ST18: variants seen among roughly 807,000 people sequenced by gnomAD.
ST18 encodes suppression of tumorigenicity 18 protein.
ST18 carries 50 observed loss-of-function variants against 110.0 expected under a neutral mutation model. The observed-to-expected ratio is 0.45, with a 90% CI of 0.36 to 0.58. ST18 has a LOEUF of 0.58. Ranked by LOEUF, ST18 falls within the 20% of genes least tolerant of loss-of-function variation. The pLI is 0.00. For missense variants in ST18, 1,306 were observed against 1,280.1 expected, an observed-to-expected ratio of 1.02 and a Z score of -0.31; for synonymous variants, 461 against 452.4, an observed-to-expected ratio of 1.02 and a Z score of -0.24.
At chr8:52,401,510 C>CT (rs1291329882) in intron 2 of ST18, among the ~76,000 whole-genome samples, 1 of 151,980 alleles carries the variant, frequency 6.6e-6, no homozygotes, top group African/African-American at 2.4e-5. Flanking sequence ...TTTCCTCACT[C>CT]TTTTTTCCTC....
chr8:52,136,529 C>T, intron 19 of ST18, 61 bp downstream of exon 19: 2 of 1,514,244 alleles, frequency 1.3e-6, no homozygotes, highest in Non-Finnish European at 1.8e-6. Context: ...TGAATGGGCA[C>T]TGAACGAGAG....
At chr8:52,189,200 G>A (rs1043738950) in intron 8 of ST18, among the ~76,000 whole-genome samples, 8 of 152,126 alleles carry the variant, frequency 5.3e-5, no homozygotes, top group Non-Finnish European at 1.0e-4. Context: ...GGGTGCACAG[G>A]CCAAAAGGAG....
At position 52,171,782 on chromosome 8, in the gene ST18, TG is replaced by T. The variant is rs768304561; in HGVS notation, c.1069+9del. Reference sequence around the variant, plus strand: ...TTTATTCCTAAAATAAATGCAAAAATGTGTCTTACGTTTATTGTTAAAGATT... The same window carrying T: ...TTTATTCCTAAAATAAATGCAAAAATTGTCTTACGTTTATTGTTAAAGATT... On this transcript the variant is annotated intron_variant, in intron 10 of 25. Coordinates refer to ENST00000689386, the MANE Select transcript of ST18 (RefSeq NM_001352837.2). The T allele has an allele frequency of 6.2e-7, 1 of 1,603,822 alleles. No homozygotes were observed. The highest frequency in any genetic ancestry group is 2.2e-5 in the East Asian group (1 of 44,726).
chr8:52,116,390 G>A lies in ST18; in HGVS notation c.2888C>T (p.Thr963Met), dbSNP rs146863606. Residue 963 changes from threonine (T) to methionine (M), a missense_variant, in exon 25 of 26, where the codon ACG becomes ATG. Physicochemically the swap from Thr to Met is moderately conservative, Grantham distance 81 (BLOSUM62 -1). Coordinates refer to ENST00000689386, the MANE Select transcript of ST18 (RefSeq NM_001352837.2). ...TATGAGTTTGTTCTCCTCCTCTATC[G>A]TCTTTAAGTTGCTCTCCATAGATGT... ...QITSMESNLK[T>M]IEEENKLIEQ... 1.3e-4 allele frequency: 204 copies of A among 1,613,626 alleles called. No homozygotes were observed. Among genetic ancestry groups the A allele is most frequent in the East Asian group, 1.6e-4 (7 of 44,866 alleles).
chr8:52,295,895 C>T (rs778771829), intron 2 of ST18, among the ~76,000 whole-genome samples: 3 of 151,986 alleles, frequency 2.0e-5, no homozygotes, highest in Non-Finnish European at 4.4e-5. Context: ...TGCGTCCCAT[C>T]TGACTTCCGC....
At chr8:52,408,047 T>A (rs1193612462) in intron 2 of ST18, 1 of 152,220 alleles carries the variant, frequency 6.6e-6, no homozygotes, top group Non-Finnish European at 1.5e-5. Context: ...TTTTCCCAGA[T>A]AACTTGCAAA....
At chr8:52,292,245 T>C (rs2095567332) in intron 2 of ST18, among the ~76,000 whole-genome samples, 1 of 152,270 alleles carries the variant, frequency 6.6e-6, no homozygotes, top group Non-Finnish European at 1.5e-5. Flanking sequence ...TTAAATGCTT[T>C]AATAATGCAG....
chr8:52,233,828 G>A (rs953686897), intron 2 of ST18, among the ~76,000 whole-genome samples: 7 of 152,020 alleles, frequency 4.6e-5, no homozygotes, highest in Non-Finnish European at 7.4e-5. Flanking sequence ...AAATTTAATC[G>A]AATTTGTTAT....
At chr8:52,349,605 T>C (rs185802180) in intron 2 of ST18, among the ~76,000 whole-genome samples, 14 of 152,296 alleles carry the variant, frequency 9.2e-5, no homozygotes, top group Admixed American at 2.0e-4. Flanking sequence ...GGGACAAATA[T>C]AAAAGTGTGA....
At chr8:52,132,323 A>G (rs2050000677) in intron 21 of ST18, 144 bp from the exon 22 acceptor site, 1 of 661,662 alleles carries the variant, frequency 1.5e-6, no homozygotes, top group Admixed American at 3.0e-5. Flanking sequence ...ACAGGCTCAG[A>G]GCTACGCGAT....
intron 14 of ST18, 142 bp from the exon 15 acceptor site, chr8:52,159,251 T>C: frequency 1.3e-6 from 1 of 772,142 alleles, no homozygotes; most frequent in Non-Finnish European, 2.0e-6. Context: ...ATGGGAACAT[T>C]AAATGAAGGT....
In ST18 at chr8:52,172,214, G is replaced by C. The variant is rs377034114; in HGVS notation, c.647C>G (p.Pro216Arg). The C allele has an allele frequency of 6.2e-7, 1 of 1,614,122 alleles. No individual in the cohort carries two copies. Among genetic ancestry groups the C allele is most frequent in the Non-Finnish European group, 8.5e-7 (1 of 1,180,018 alleles). The stretch of plus-strand genomic sequence containing the variant: ...TGTTAAAACATACTTTGGGACTCTA[G>C]GTGGTTTGGTTTCTTCTGAGAAGTT... ...GSNFSEETKP[P>R]RVPKYVLTDH... The change falls in exon 10 of 26, where the codon CCT becomes CGT. Residue 216 changes from proline (P) to arginine (R), a missense_variant. Pro to Arg is a moderately radical substitution (Grantham distance 103). Coordinates refer to ENST00000689386, the MANE Select transcript of ST18 (RefSeq NM_001352837.2).
intron 2 of ST18, among the ~76,000 whole-genome samples, chr8:52,273,451 A>G (rs1441702684): frequency 6.6e-6 from 1 of 152,210 alleles, no homozygotes; most frequent in African/African-American, 2.4e-5. Flanking sequence ...AAATGCCATA[A>G]TAGCATAATG....
chr8:52,356,633 T>A (rs1822869904), intron 2 of ST18, among the ~76,000 whole-genome samples: 1 of 152,122 alleles, frequency 6.6e-6, no homozygotes. Flanking sequence ...TAGATTATGG[T>A]CATTGAGGAA....
chr8:52,241,379 G>A (rs1430207413), intron 2 of ST18, among the ~76,000 whole-genome samples: 1 of 152,178 alleles, frequency 6.6e-6, no homozygotes, highest in Non-Finnish European at 1.5e-5. Context: ...TTTTTTAGAG[G>A]AAAAATAGAA....
At chr8:52,137,785 C>A in intron 17 of ST18, 1 of 305,862 alleles carries the variant, frequency 3.3e-6, no homozygotes, top group Non-Finnish European at 6.0e-6. Flanking sequence ...AGTTAGCAAT[C>A]AAAGATGTTT....
At chr8:52,324,721 A>G (rs1388591928) in intron 2 of ST18, among the ~76,000 whole-genome samples, 1 of 152,228 alleles carries the variant, frequency 6.6e-6, no homozygotes, top group East Asian at 1.9e-4. Context: ...AGAGGAAAAA[A>G]TAATTAACAT....
intron 2 of ST18, among the ~76,000 whole-genome samples, chr8:52,280,961 A>G (rs2095364989): frequency 6.6e-6 from 1 of 152,114 alleles, no homozygotes; most frequent in East Asian, 1.9e-4. Context: ...ATAAATTTCA[A>G]ATTAGTAATA....
chr8:52,120,919 G>C (rs187319675), intron 23 of ST18, among the ~76,000 whole-genome samples: 11 of 152,098 alleles, frequency 7.2e-5, no homozygotes, highest in Admixed American at 2.6e-4. Flanking sequence ...CTAGAGGTAG[G>C]GGGTGAGAGA....
Sources: gnomAD v4.1 joint callset for allele counts (sites outside exome capture counted in the v4.1 genomes callset) on GRCh38, gnomAD v4.1.1 for gene constraint, MANE v1.5 for transcripts, NCBI Gene and HGNC (gene_info 2026-07-23, HGNC 2026-07-21) for gene names.